Variants in BBS2 observed in about 807,000 individuals in gnomAD.
BBS2 encodes the protein BBSome complex member BBS2.
Under a neutral mutation model 83.0 loss-of-function variants are expected in BBS2, and 62 were observed. The observed-to-expected ratio is 0.75, with a 90% CI of 0.61 to 0.92. BBS2 has a LOEUF of 0.92. Among genes scored for constraint, BBS2 ranks in the 40% least tolerant of loss-of-function variants. BBS2 has a pLI of 0.00. For synonymous variants in BBS2, 303 were observed against 326.1 expected (o/e 0.93, Z 0.76); for missense variants, 784 against 901.0 (o/e 0.87, Z 1.66).
intron 5 of BBS2, among the ~76,000 whole-genome samples, chr16:56,508,307 A>G (rs1964480062): frequency 1.3e-5 from 2 of 152,196 alleles, no homozygotes; most frequent in Non-Finnish European, 2.9e-5. Context: ...GGCCAAGGTC[A>G]GTTTTGAGAC....
At chr16:56,494,225 C>T (rs1265700646) in intron 15 of BBS2, among the ~76,000 whole-genome samples, 1 of 149,196 alleles carries the variant, frequency 6.7e-6, no homozygotes, top group Non-Finnish European at 1.5e-5. Flanking sequence ...ACCTCAGCAT[C>T]GCAAAGTGCT....
rs1350633457 is a variant in BBS2 at position 56,519,826 on chromosome 16, T to C, written c.37A>G (p.Lys13Glu). 1 of 1,613,906 alleles carries C rather than the reference T, an allele frequency of 6.2e-7. No homozygotes were observed. The highest frequency in any genetic ancestry group is 1.7e-5 in the Admixed American group (1 of 60,012). ...ATGGCCACCATTCGGGGGCTGATTT[T>C]GTGGCGCAGTTTCAGGGTGAACACA... ...LPVFTLKLRH[K>E]ISPRMVAIGR... The change falls in exon 1 of 17, where the codon AAA (lysine) becomes GAA (glutamate). Residue 13 changes from lysine (K) to glutamate (E), a missense_variant. Transcript: ENST00000245157.
At chr16:56,517,658 C>T (rs1964790100) in intron 1 of BBS2, among the ~76,000 whole-genome samples, 1 of 152,218 alleles carries the variant, frequency 6.6e-6, no homozygotes, top group Admixed American at 6.5e-5. Flanking sequence ...TTGTCTGTCA[C>T]ATTCTCCAAT....
chr16:56,507,237 C>T (rs1003606362), intron 5 of BBS2, among the ~76,000 whole-genome samples: 6 of 152,150 alleles, frequency 3.9e-5, no homozygotes, highest in African/African-American at 1.2e-4. Flanking sequence ...TGCAAGTGAA[C>T]AATGTTATGA....
rs761861062 is a variant in BBS2, at chr16:56,499,895, A to T, written c.1410T>A (p.His470Gln). 3 of 1,614,128 alleles carry T rather than the reference A, an allele frequency of 1.9e-6. No individual in the cohort carries two copies. The highest frequency in any genetic ancestry group is 2.2e-5 in the South Asian group (2 of 91,086). ...GGAGCTGTCTTGTCGATTCAAATAC[A>T]TGAAACTGGGTGCTATGGCCAATCA... ...FVGYRSSTQFHVFESTRQLPR... is the reference protein window; with the variant it reads ...FVGYRSSTQFQVFESTRQLPR... The change falls in exon 12 of 17, where the codon CAT becomes CAA. Residue 470 changes from histidine to glutamine, a missense_variant. By Grantham distance (24) the His-to-Gln change is conservative. Transcript: ENST00000245157.
intron 15 of BBS2, 118 bp downstream of exon 15, chr16:56,496,849 G>C (rs551891713): frequency 4.8e-6 from 4 of 826,356 alleles, no homozygotes; most frequent in Non-Finnish European, 8.5e-6. Context: ...ATAATGCCAA[G>C]TTATTTTCCA....
intron 12 of BBS2, 177 bp downstream of exon 12, chr16:56,499,601 G>A: frequency 1.4e-6 from 1 of 729,516 alleles, no homozygotes; most frequent in South Asian, 1.6e-5. Context: ...AGTGAGAGAA[G>A]GTATTTTAGC....
At chr16:56,473,861 C>T (rs1475852275) in intron 17 of BBS2, among the ~76,000 whole-genome samples, 6 of 151,510 alleles carry the variant, frequency 4.0e-5, no homozygotes, top group Non-Finnish European at 2.9e-5. Flanking sequence ...GGCTGGAGTA[C>T]AGTGGTGTGA....
chr16:56,501,590 G>C, intron 9 of BBS2, 93 bp from the exon 10 acceptor site: 1 of 1,491,004 alleles, frequency 6.7e-7, no homozygotes, highest in South Asian at 1.1e-5. Flanking sequence ...TCAAAAGACA[G>C]AGCCTCCAGC....
chr16:56,502,376 G>T lies in BBS2; in HGVS notation c.1021C>A (p.Leu341Met). ...AACAGATTCTGCTTCTTCTGACTCAGCTCTCGGATCAGGTCCTGCTCTGCA... is the reference window on the plus strand; with the variant it reads ...AACAGATTCTGCTTCTTCTGACTCATCTCTCGGATCAGGTCCTGCTCTGCA... ...TSAEQDLIRE[L>M]SQKKQNLLLE... The change falls in exon 9 of 17, where the codon CTG becomes ATG. Residue 341 changes from leucine to methionine, a missense_variant. Leu to Met is a conservative substitution (Grantham distance 15). Transcript: ENST00000245157. 6.2e-7 allele frequency: 1 copy of T among 1,614,200 alleles called. No individual in the cohort carries two copies. The highest frequency in any genetic ancestry group is 8.5e-7 in the Non-Finnish European group (1 of 1,180,034).
chr16:56,505,958 T>C lies in BBS2; in HGVS notation c.796A>G (p.Asn266Asp), dbSNP rs760772626. The C allele has an allele frequency of 1.1e-5, 17 of 1,613,582 alleles. No individual in the cohort carries two copies. Among genetic ancestry groups the C allele is most frequent in the Non-Finnish European group, 1.4e-5 (17 of 1,179,636 alleles). Residue 266 changes from asparagine (N) to aspartate (D), a missense_variant, in exon 7 of 17, where the codon AAT becomes GAT. Coordinates refer to ENST00000245157, the MANE Select transcript of BBS2 (RefSeq NM_031885.5). ...GVNELITGWSNGKVDARSDRT... is the reference protein window; with the variant it reads ...GVNELITGWSDGKVDARSDRT... Reference sequence around the variant, plus strand: ...TTGCTATTCAAACTTACCTTCCCATTGGACCAACCAGTTATCAGTTCATTC... The same window carrying C: ...TTGCTATTCAAACTTACCTTCCCATCGGACCAACCAGTTATCAGTTCATTC...
chr16:56,475,988 C>T, intron 17 of BBS2: 1 of 1,483,518 alleles, frequency 6.7e-7, no homozygotes, highest in Non-Finnish European at 9.2e-7. Flanking sequence ...GTTAATCATC[C>T]AAGATTTGAG....
chr16:56,502,784 C>T lies in BBS2; in HGVS notation c.829G>A (p.Gly277Arg), dbSNP rs1255312537. 10 of 1,614,090 alleles carry T rather than the reference C, an allele frequency of 6.2e-6. No homozygotes were observed. Among genetic ancestry groups the T allele is most frequent in the Middle Eastern group, 1.6e-4 (1 of 6,084 alleles). Reference protein sequence around the residue: ...GKVDARSDRTGEVIFKDNFSS... With the variant: ...GKVDARSDRTREVIFKDNFSS... ...AAATTGTCCTTAAAGATGACCTCCC[C>T]AGTTCGGTCACTTCGAGCATCAACC... is the stretch of plus-strand genomic sequence containing the variant. The change falls in exon 8 of 17, where the codon GGG becomes AGG. Residue 277 changes from glycine (G) to arginine (R), a missense_variant. Physicochemically the swap from Gly to Arg is moderately radical, Grantham distance 125 (BLOSUM62 -2). Transcript: ENST00000245157.
Position 56,502,315 on chromosome 16 carries a change from A to G in BBS2, c.1080+2T>C, listed in dbSNP as rs771554923. 2 of 1,614,040 alleles carry G rather than the reference A, an allele frequency of 1.2e-6. No individual in the cohort carries two copies. The highest frequency in any genetic ancestry group is 1.7e-6 in the Non-Finnish European group (2 of 1,180,000). Reference sequence around the variant, plus strand: ...CCTGGTCACATTAGGACCTACACCTACCTTGGCATTTTCCTCATAGTTACG... The same window carrying G: ...CCTGGTCACATTAGGACCTACACCTGCCTTGGCATTTTCCTCATAGTTACG... On this transcript the variant is annotated splice_donor_variant, in intron 9 of 16. Coordinates refer to ENST00000245157, the MANE Select transcript of BBS2 (RefSeq NM_031885.5). LOFTEE classifies it high-confidence loss of function.
intron 7 of BBS2, among the ~76,000 whole-genome samples, chr16:56,503,967 T>C (rs1461370665): frequency 1.3e-5 from 2 of 151,982 alleles, no homozygotes; most frequent in Admixed American, 6.6e-5. Context: ...ACACAGGTAT[T>C]ATCAACAAAA....
chr16:56,510,136 C>T, intron 4 of BBS2, 102 bp from the exon 5 acceptor site: 1 of 976,614 alleles, frequency 1.0e-6, no homozygotes. Flanking sequence ...GCTGCTTCTG[C>T]CACCCAAGAT....
At chr16:56,515,852 G>C (rs1429517037) in intron 1 of BBS2, among the ~76,000 whole-genome samples, 1 of 152,190 alleles carries the variant, frequency 6.6e-6, no homozygotes, top group African/African-American at 2.4e-5. Context: ...GGTCGGAAGA[G>C]TTAAGGCCCT....
At chr16:56,480,679 A>G (rs1307459327), downstream of BBS2, among the ~76,000 whole-genome samples, 3 of 152,146 alleles carry the variant, frequency 2.0e-5, no homozygotes, top group African/African-American at 7.2e-5. Flanking sequence ...CTTGAATAAG[A>G]AGTTTTGGGG....
intron 17 of BBS2, chr16:56,477,647 C>A (rs143675171): frequency 6.6e-6 from 1 of 152,162 alleles, no homozygotes; most frequent in Non-Finnish European, 1.5e-5. Context: ...GGAGTTACAT[C>A]ATAATTACCT....
Sources: gnomAD v4.1 joint callset for allele counts (sites outside exome capture counted in the v4.1 genomes callset) on GRCh38, gnomAD v4.1.1 for gene constraint, MANE v1.5 for transcripts, NCBI Gene and HGNC (gene_info 2026-07-23, HGNC 2026-07-21) for gene names.